NCOR1: variants seen among roughly 807,000 people sequenced by gnomAD.
NCOR1 encodes the protein protein phosphatase 1, regulatory subunit 109.
Under a neutral mutation model 288.1 loss-of-function variants are expected in NCOR1, and 63 were observed. The ratio of observed to expected loss-of-function variants is 0.22; its 90% CI spans 0.18 to 0.27. The LOEUF is 0.27. NCOR1 is among the 10% of genes least tolerant of loss of function. The pLI, the probability that NCOR1 is intolerant of heterozygous loss-of-function variation, is 1.00. For missense variants in NCOR1, 2,397 were observed against 3,019.2 expected (o/e 0.79, Z 4.83); for synonymous variants, 1,007 against 1,065.9 (o/e 0.94, Z 1.08).
At chr17:16,188,426 A>C (rs140132314) in intron 2 of NCOR1, among the ~76,000 whole-genome samples, 6,065 of 152,092 alleles carry the variant, frequency 0.04, 418 homozygotes, top group African/African-American at 0.14. Flanking sequence ...CCTGGCCAAC[A>C]CAGTGAAACC....
At position 16,039,619 on chromosome 17, in the gene NCOR1, G is replaced by T; in HGVS notation, c.6769C>A (p.Pro2257Thr). 11 of 1,614,062 alleles carry T rather than the reference G, an allele frequency of 6.8e-6. No homozygotes were observed. The highest frequency in any genetic ancestry group is 4.2e-6 in the Non-Finnish European group (5 of 1,179,982). ...TCTTCCAGCCCAAGATTACTGGCAGGATCAGCAAAAGAATGGCCTCTAGAG... is the reference window on the plus strand; with the variant it reads ...TCTTCCAGCCCAAGATTACTGGCAGTATCAGCAAAAGAATGGCCTCTAGAG... ...VSSRGHSFAD[P>T]ASNLGLEDII... Residue 2257 changes from proline to threonine, a missense_variant, in exon 44 of 46, where the codon CCT becomes ACT. Pro to Thr is a conservative substitution (Grantham distance 38, BLOSUM62 -1). Coordinates refer to ENST00000268712, the MANE Select transcript of NCOR1 (RefSeq NM_006311.4).
intron 15 of NCOR1, among the ~76,000 whole-genome samples, chr17:16,123,365 C>A (rs2073390656): frequency 6.6e-6 from 1 of 152,180 alleles, no homozygotes; most frequent in African/African-American, 2.4e-5. Flanking sequence ...ACTACCACTA[C>A]ACTTACTCAA....
Position 16,072,126 on chromosome 17 carries a change from A to G in NCOR1, c.3895+19T>C, listed in dbSNP as rs769341491. On this transcript the variant is annotated intron_variant, in intron 29 of 45. Coordinates refer to ENST00000268712, the MANE Select transcript of NCOR1 (RefSeq NM_006311.4). ...GGAGGCAGTTATAAATAAAAATGCA[A>G]AACAAGCAGAAAGTTTACCCTGCAT... is the stretch of plus-strand genomic sequence containing the variant. 4 of 1,572,250 alleles carry G rather than the reference A, an allele frequency of 2.5e-6. No individual in the cohort carries two copies. The highest frequency in any genetic ancestry group is 1.7e-4 in the Middle Eastern group (1 of 5,934).
intron 1 of NCOR1, among the ~76,000 whole-genome samples, chr17:16,210,535 AG>A (rs1312121566): frequency 6.6e-6 from 1 of 152,208 alleles, no homozygotes; most frequent in Non-Finnish European, 1.5e-5. Flanking sequence ...TTTTTGTTTA[AG>A]AAGCTATTCA....
intron 33 of NCOR1, 50 bp from the exon 34 acceptor site, chr17:16,065,069 G>C: frequency 6.4e-7 from 1 of 1,551,056 alleles, no homozygotes; most frequent in South Asian, 1.2e-5. Flanking sequence ...TAAAGGTACA[G>C]AACCATACAT....
At chr17:16,083,890 T>C (rs2063794207) in intron 23 of NCOR1, among the ~76,000 whole-genome samples, 1 of 151,662 alleles carries the variant, frequency 6.6e-6, no homozygotes, top group African/African-American at 2.4e-5. Flanking sequence ...CCTTAAAACA[T>C]GTTTCAACTC....
chr17:16,044,670 A>G, intron 42 of NCOR1: 1 of 663,438 alleles, frequency 1.5e-6, no homozygotes, highest in Non-Finnish European at 2.9e-6. Flanking sequence ...CTCACTCTGC[A>G]TGACAATGAG....
chr17:16,185,683 CAAA>C (rs58712974), intron 3 of NCOR1, among the ~76,000 whole-genome samples: 5 of 33,390 alleles, frequency 1.5e-4, no homozygotes, highest in African/African-American at 4.7e-4. Flanking sequence ...GACTCTTTCT[CAAA>C]AAAAAAAAAA....
intron 28 of NCOR1, among the ~76,000 whole-genome samples, chr17:16,072,889 G>A (rs766676754): frequency 2.6e-5 from 4 of 152,184 alleles, no homozygotes; most frequent in Admixed American, 6.5e-5. Flanking sequence ...TACTGATCAT[G>A]TACTGAAGCC....
chr17:16,108,349 G>GTT (rs374801639), intron 19 of NCOR1: 68 of 211,500 alleles, frequency 3.2e-4, no homozygotes, highest in South Asian at 1.0e-3. Context: ...TAAGTTTCGT[G>GTT]TTTTTTTTTT....
Position 16,194,248 on chromosome 17 carries a change from A to C in NCOR1, c.108+214T>G, listed in dbSNP as rs183697174. ...ATCATCAACTCCTATCATGAAAAGC[A>C]AAGACAAGTTCAACTCCTGAAATCA... On this transcript the variant is annotated intron_variant, in intron 2 of 45. Transcript: ENST00000268712. 2.8e-4 allele frequency among the ~76,000 whole-genome samples: 42 copies of C among 151,374 alleles called. 1 individual carries two copies. The highest frequency in any genetic ancestry group is 1.0e-3 in the African/African-American group (41 of 41,078).
In NCOR1 at chr17:16,127,308, TAC is replaced by T. The variant is rs547105652; in HGVS notation, c.1510-1104_1510-1103del. On this transcript the variant is annotated intron_variant, in intron 14 of 45. Transcript: ENST00000268712. ...GTGTATATATGTATGTATGTATATA[TAC>T]ATGTATGTATATATGTATGTATATA... Among the ~76,000 whole-genome samples the T allele has an allele frequency of 1.8e-3, 156 of 87,990 alleles. 29 individuals are homozygous for T. Among genetic ancestry groups the T allele is most frequent in the Middle Eastern group, 8.6e-3 (1 of 116 alleles). 57.7% of individuals were successfully genotyped at this position (87,990 alleles called of 152,430 possible).
In NCOR1 at chr17:16,071,627, G is replaced by A. The variant is rs1268012911; in HGVS notation, c.3934C>T (p.Leu1312Phe). Residue 1312 changes from leucine (L) to phenylalanine (F), a missense_variant, in exon 30 of 46, where the codon CTT (leucine) becomes TTT (phenylalanine). This residue lies in a region of NCOR1 where 1,872 missense variants were observed against 2,187.8 expected (regional missense o/e 0.86). Coordinates refer to ENST00000268712, the MANE Select transcript of NCOR1 (RefSeq NM_006311.4). ...RATTESFEDG[L>F]KYPKQIKRES... ...CTTTTAATTTGTTTGGGATATTTAA[G>A]GCCATCTTCAAAGCTTTCAGTTGTT... 1.2e-6 allele frequency: 2 copies of A among 1,613,738 alleles called. No individual in the cohort carries two copies. The highest frequency in any genetic ancestry group is 1.3e-5 in the African/African-American group (1 of 74,894).
intron 38 of NCOR1, 69 bp from the exon 39 acceptor site, chr17:16,058,133 A>G: frequency 6.5e-7 from 1 of 1,531,544 alleles, no homozygotes; most frequent in Non-Finnish European, 9.0e-7. Context: ...CAAAGATTAA[A>G]TATAATTCAG....
At position 16,057,752 on chromosome 17, in the gene NCOR1, TGAAG is replaced by T. The variant is rs761076323; in HGVS notation, c.6169-19_6169-16del. On this transcript the variant is annotated splice_polypyrimidine_tract_variant and intron_variant, in intron 39 of 45. Transcript: ENST00000268712. The stretch of plus-strand genomic sequence containing the variant: ...GTGATAATTTGCTGTGAATGAGAAA[TGAAG>T]GAAGTGGTAAAATTCATTGAGTACT... 3 of 1,609,590 alleles carry T rather than the reference TGAAG, an allele frequency of 1.9e-6. No individual in the cohort carries two copies. The highest frequency in any genetic ancestry group is 2.7e-5 in the African/African-American group (2 of 74,702).
chr17:16,215,335 G>C (rs923589924), intron 1 of NCOR1, 27 bp downstream of exon 1: 3 of 392,086 alleles, frequency 7.7e-6, no homozygotes, highest in Admixed American at 8.9e-5. Context: ...CCGGAGGCCG[G>C]GGTTGCAGGC....
chr17:16,151,416 C>G (rs2078854546), intron 8 of NCOR1, among the ~76,000 whole-genome samples: 1 of 152,158 alleles, frequency 6.6e-6, no homozygotes, highest in Admixed American at 6.5e-5. Flanking sequence ...CATTAAATGG[C>G]AGAAGGGTCT....
At chr17:16,188,591 A>G (rs2087312340) in intron 2 of NCOR1, among the ~76,000 whole-genome samples, 2 of 152,108 alleles carry the variant, frequency 1.3e-5, no homozygotes, top group Non-Finnish European at 2.9e-5. Context: ...AGTCCAAGCA[A>G]AAGTGCAAGA....
At chr17:16,146,296 T>C in intron 10 of NCOR1, 80 bp downstream of exon 10, 3 of 1,342,516 alleles carry the variant, frequency 2.2e-6, no homozygotes, top group Non-Finnish European at 3.0e-6. Context: ...GATCAATACA[T>C]ACTAAAAAAA....
Sources: allele counts gnomAD v4.1 joint callset (sites outside exome capture counted in the v4.1 genomes callset), GRCh38; gene constraint gnomAD v4.1.1; regional missense constraint gnomAD v4.1.1; transcripts MANE v1.5; gene names NCBI Gene and HGNC (gene_info 2026-07-23, HGNC 2026-07-21).